Variants in EYA1 observed in about 807,000 individuals in gnomAD.
EYA1 encodes protein phosphatase EYA1.
Under a neutral mutation model 82.0 loss-of-function variants are expected in EYA1, and 16 were observed. The ratio of observed to expected loss-of-function variants is 0.20; its 90% CI spans 0.13 to 0.30. EYA1 has a LOEUF of 0.30. Among genes scored for constraint, EYA1 ranks in the 10% least tolerant of loss-of-function variants. EYA1 has a pLI of 1.00. For synonymous variants in EYA1, 261 were observed against 264.4 expected, an observed-to-expected ratio of 0.99 and a Z score of 0.12; for missense variants, 633 against 730.7, an observed-to-expected ratio of 0.87 and a Z score of 1.54.
chr8:71,370,062 A>T (rs1411055183), intron 2 of EYA1, among the ~76,000 whole-genome samples: 1 of 152,126 alleles, frequency 6.6e-6, no homozygotes, highest in Non-Finnish European at 1.5e-5. Flanking sequence ...CATATACCAC[A>T]TTCTAGCTAT....
chr8:71,212,798 G>T lies in EYA1; in HGVS notation c.1598-1542C>A, dbSNP rs113999333. ...ATTTTGCCTACAATAAAAATTACTG[G>T]GGCCAGGCATAGTGGTTCACACCTG... On this transcript the variant is annotated intron_variant, in intron 16 of 17. Coordinates refer to ENST00000340726, the MANE Select transcript of EYA1 (RefSeq NM_000503.6). Among the ~76,000 whole-genome samples, 531 of 152,186 alleles carry T rather than the reference G, an allele frequency of 3.5e-3. 1 individual carries two copies. Among genetic ancestry groups the T allele is most frequent in the African/African-American group, 0.012 (493 of 41,526 alleles).
chr8:71,334,453 C>T, intron 3 of EYA1: 2 of 453,308 alleles, frequency 4.4e-6, no homozygotes, highest in South Asian at 4.3e-5. Context: ...TACTGAATTA[C>T]TTATTGATAA....
At position 71,395,715 on chromosome 8, in the gene EYA1, G is replaced by C. The variant is rs147458677; in HGVS notation, c.34-39204C>G. ...TTGCCAGTATTTTATTGAGGATTTT[G>C]CATCGATGTTCATCAGGGATATTGG... On this transcript the variant is annotated intron_variant, in intron 2 of 18. Coordinates refer to the EYA1 transcript ENST00000643681. 2.0e-3 allele frequency among the ~76,000 whole-genome samples: 302 copies of C among 152,108 alleles called. 1 individual carries two copies. The highest frequency in any genetic ancestry group is 6.8e-3 in the African/African-American group (281 of 41,514).
At chr8:71,329,566 C>T (rs1381448046) in intron 4 of EYA1, among the ~76,000 whole-genome samples, 1 of 152,202 alleles carries the variant, frequency 6.6e-6, no homozygotes, top group Non-Finnish European at 1.5e-5. Flanking sequence ...TTTCAGTCTT[C>T]TCCAACTCTT....
At chr8:71,223,481 T>G (rs1272072132) in intron 12 of EYA1, among the ~76,000 whole-genome samples, 1 of 152,252 alleles carries the variant, frequency 6.6e-6, no homozygotes, top group African/African-American at 2.4e-5. Context: ...AACAGTCATC[T>G]AACTACTCAT....
chr8:71,225,479 C>T (rs1254191023), intron 12 of EYA1, among the ~76,000 whole-genome samples: 1 of 152,162 alleles, frequency 6.6e-6, no homozygotes, highest in African/African-American at 2.4e-5. Flanking sequence ...GGCTAAGGCA[C>T]AGGGGATAAA....
chr8:71,225,056 T>C, intron 12 of EYA1: 1 of 306,318 alleles, frequency 3.3e-6, no homozygotes, highest in Non-Finnish European at 6.6e-6. Context: ...CCTCTGTCCA[T>C]GAATTAGTAA....
At chr8:71,262,137 A>T (rs1466633693) in intron 11 of EYA1, among the ~76,000 whole-genome samples, 7 of 152,092 alleles carry the variant, frequency 4.6e-5, no homozygotes, top group Admixed American at 4.6e-4. Flanking sequence ...AGATAATTTA[A>T]TTTTTCTGAG....
intron 11 of EYA1, among the ~76,000 whole-genome samples, chr8:71,244,904 G>A: frequency 6.6e-6 from 1 of 152,156 alleles, no homozygotes. Flanking sequence ...AATGTTGATG[G>A]TGCTTTACAC....
Position 71,244,635 on chromosome 8 carries a change from C to A in EYA1, c.1108G>T (p.Ala370Ser). Reference protein sequence around the residue: ...LRMEEMIFNLADTHLFFNDLE... With the variant: ...LRMEEMIFNLSDTHLFFNDLE... ...TCATTAAAAAATAAATGTGTGTCTG[C>A]CAAGTTGAAAATCATTTCTTCCATT... The change falls in exon 12 of 18, where the codon GCA becomes TCA. Residue 370 changes from alanine (A) to serine (S), a missense_variant. Transcript: ENST00000340726. The A allele has an allele frequency of 6.2e-7, 1 of 1,608,968 alleles. No individual in the cohort carries two copies. Among genetic ancestry groups the A allele is most frequent in the Non-Finnish European group, 8.5e-7 (1 of 1,175,944 alleles).
At chr8:71,457,067 A>G (rs1807986871) in intron 2 of EYA1, among the ~76,000 whole-genome samples, 1 of 152,212 alleles carries the variant, frequency 6.6e-6, no homozygotes, top group African/African-American at 2.4e-5. Flanking sequence ...TTTACAAGAA[A>G]AAAACAAACA....
intron 2 of EYA1, among the ~76,000 whole-genome samples, chr8:71,491,739 A>T (rs1362784666): frequency 6.6e-6 from 1 of 152,156 alleles, no homozygotes; most frequent in Non-Finnish European, 1.5e-5. Context: ...ACACACAGGA[A>T]TCAACTTCTG....
intron 2 of EYA1, among the ~76,000 whole-genome samples, chr8:71,385,384 G>A (rs1201845705): frequency 3.3e-5 from 5 of 151,986 alleles, no homozygotes; most frequent in Admixed American, 2.6e-4. Flanking sequence ...ACTCTCACCT[G>A]AGCCACCACG....
At chr8:71,287,953 G>A (rs976014051) in intron 9 of EYA1, among the ~76,000 whole-genome samples, 1 of 152,156 alleles carries the variant, frequency 6.6e-6, no homozygotes, top group African/African-American at 2.4e-5. Flanking sequence ...ATTCCACAGA[G>A]AAATAATACA....
intron 12 of EYA1, among the ~76,000 whole-genome samples, chr8:71,240,314 G>A (rs185576909): frequency 1.3e-5 from 2 of 150,732 alleles, no homozygotes; most frequent in Admixed American, 1.3e-4. Context: ...GGGGCAACAA[G>A]TCTAGGTGTT....
intron 2 of EYA1, among the ~76,000 whole-genome samples, chr8:71,412,639 T>G (rs1469861546): frequency 2.6e-5 from 4 of 152,146 alleles, no homozygotes; most frequent in Non-Finnish European, 5.9e-5. Context: ...GAAATCTGCA[T>G]AATGGATACA....
intron 1 of EYA1, among the ~76,000 whole-genome samples, chr8:71,359,591 G>T (rs1827193311): frequency 6.6e-6 from 1 of 152,142 alleles, no homozygotes; most frequent in Admixed American, 6.5e-5. Context: ...AATGTTCTGT[G>T]AAAAGTAAAC....
At chr8:71,339,310 T>A (rs1486034951) in intron 3 of EYA1, among the ~76,000 whole-genome samples, 1 of 152,128 alleles carries the variant, frequency 6.6e-6, no homozygotes, top group Admixed American at 6.5e-5. Flanking sequence ...CAAATTTTAA[T>A]CTCAGGATGG....
At chr8:71,278,516 A>G in intron 9 of EYA1, among the ~76,000 whole-genome samples, 1 of 152,240 alleles carries the variant, frequency 6.6e-6, no homozygotes, top group East Asian at 1.9e-4. Context: ...TTTAATTTGC[A>G]TATATTAAAG....
Sources: allele counts gnomAD v4.1 joint callset (sites outside exome capture counted in the v4.1 genomes callset), GRCh38; gene constraint gnomAD v4.1.1; transcripts MANE v1.5; gene names NCBI Gene and HGNC (gene_info 2026-07-23, HGNC 2026-07-21).